ZNF91: variants seen among roughly 807,000 people sequenced by gnomAD.
ZNF91 encodes zinc finger protein 91.
A neutral mutation model predicts 12.6 loss-of-function variants in ZNF91; 7 were observed. The ratio of observed to expected loss-of-function variants is 0.55; its 90% CI spans 0.31 to 1.04. The LOEUF (loss-of-function observed/expected upper bound fraction) is 1.04, where lower values mean the gene tolerates loss of function less well. Ranked by LOEUF, ZNF91 falls within the 50% of genes least tolerant of loss-of-function variation. ZNF91 has a pLI of 0.05. For synonymous variants in ZNF91, 453 were observed against 462.6 expected, an observed-to-expected ratio of 0.98 and a Z score of 0.27; for missense variants, 1,217 against 1,385.4, an observed-to-expected ratio of 0.88 and a Z score of 1.93.
At chr19:23,335,747 G>A (rs1451087629), downstream of ZNF91, among the ~76,000 whole-genome samples, 1 of 152,140 alleles carries the variant, frequency 6.6e-6, no homozygotes, top group Non-Finnish European at 1.5e-5. Context: ...CCTAGGAAAG[G>A]GAATTCCCCG....
intron 1 of ZNF91, among the ~76,000 whole-genome samples, chr19:23,383,796 G>A (rs1163989718): frequency 2.6e-5 from 4 of 152,242 alleles, no homozygotes; most frequent in African/African-American, 9.6e-5. Flanking sequence ...CCTGGTCAGA[G>A]CAATCAGGCA....
chr19:23,374,576 A>AAG (rs1555743352), intron 2 of ZNF91, 62 bp downstream of exon 2: 47 of 1,452,412 alleles, frequency 3.2e-5, no homozygotes, highest in Non-Finnish European at 3.9e-5. Flanking sequence ...AAAAAAAAAA[A>AAG]AAAAGAAAAG....
rs535391885 is a variant in ZNF91, at chr19:23,323,027, G to T, written n.117-13930C>A. ...TCCTCCTTTTCCTCTTTTTCTCCTC[G>T]TCCTTTCTCCTTTTTGTTTCCTCCT... On this transcript the variant is annotated intron_variant and non_coding_transcript_variant, in intron 1 of 1. Coordinates refer to the ZNF91 transcript ENST00000596528. 1.3e-3 allele frequency among the ~76,000 whole-genome samples: 32 copies of T among 25,266 alleles called. No homozygotes were observed. In the East Asian group the frequency reaches 0.02, roughly 16 times the overall value. The allele number at this position is 25,266 out of a possible 152,430, so 16.6% of individuals were successfully genotyped here.
At chr19:23,387,473 T>C (rs1024993461) in intron 1 of ZNF91, among the ~76,000 whole-genome samples, 2 of 152,148 alleles carry the variant, frequency 1.3e-5, no homozygotes, top group African/African-American at 4.8e-5. Flanking sequence ...TCCCAGCACT[T>C]TGAGAGGCCA....
intron 3 of ZNF91, among the ~76,000 whole-genome samples, chr19:23,369,957 C>T (rs1371572409): frequency 6.8e-6 from 1 of 147,622 alleles, no homozygotes; most frequent in Non-Finnish European, 1.5e-5. Flanking sequence ...TGTCCTATGA[C>T]CCTGCCAAAT....
downstream of ZNF91, among the ~76,000 whole-genome samples, chr19:23,334,249 T>C (rs867258051): frequency 5.3e-5 from 8 of 152,112 alleles, no homozygotes; most frequent in South Asian, 8.3e-4. Flanking sequence ...TTTGGAAGTG[T>C]TGTGTAGAGT....
chr19:23,323,708 CCTT>C lies in ZNF91; in HGVS notation n.117-14614_117-14612del, dbSNP rs200351346. On this transcript the variant is annotated intron_variant and non_coding_transcript_variant, in intron 1 of 1. Coordinates refer to the ZNF91 transcript ENST00000596528. Reference sequence around the variant, plus strand: ...TACTTCTCCTTCTTTATCCTCTCCTCCTTCTTTTCTTCTACGCCTTCTCCTCAT... The same window carrying C: ...TACTTCTCCTTCTTTATCCTCTCCTCCTTTTCTTCTACGCCTTCTCCTCAT... Among the ~76,000 whole-genome samples the C allele has an allele frequency of 4.2e-3, 496 of 118,152 alleles. 2 individuals are homozygous for C. Among genetic ancestry groups the C allele is most frequent in the Middle Eastern group, 0.017 (4 of 230 alleles). The allele number at this position is 118,152 out of a possible 152,430, so 77.5% of individuals were successfully genotyped here. A position where few individuals can be genotyped will look rare whatever the true frequency, so the allele number is the denominator to read the frequency against.
downstream of ZNF91, among the ~76,000 whole-genome samples, chr19:23,336,287 A>G (rs1482304005): frequency 3.3e-5 from 5 of 152,326 alleles, no homozygotes; most frequent in East Asian, 3.9e-4. Flanking sequence ...AAAGAAAGAG[A>G]AAGGAGAATA....
intron 1 of ZNF91, among the ~76,000 whole-genome samples, chr19:23,385,572 C>T (rs542850992): frequency 6.6e-6 from 1 of 152,288 alleles, no homozygotes; most frequent in Admixed American, 6.5e-5. Flanking sequence ...TGTTTGCAGA[C>T]ACACAAGAAA....
Position 23,390,878 on chromosome 19 carries a change from A to G in ZNF91, c.30+4447T>C, listed in dbSNP as rs534909972. 1.9e-3 allele frequency among the ~76,000 whole-genome samples: 287 copies of G among 152,354 alleles called. 1 individual carries two copies. The highest frequency in any genetic ancestry group is 2.8e-3 in the Non-Finnish European group (189 of 68,038). On this transcript the variant is annotated intron_variant, in intron 1 of 3. Transcript: ENST00000300619. ...CAGGCATGAGCCATTGTGCCTGATCATACCATATTTTCTTTATTCAGTCTA... is the reference window on the plus strand; with the variant it reads ...CAGGCATGAGCCATTGTGCCTGATCGTACCATATTTTCTTTATTCAGTCTA...
intron 1 of ZNF91, among the ~76,000 whole-genome samples, chr19:23,376,069 A>T (rs1969495443): frequency 6.6e-6 from 1 of 152,202 alleles, no homozygotes; most frequent in Admixed American, 6.5e-5. Context: ...AATTTTTTCC[A>T]AACTTTCTGG....
chr19:23,385,085 A>ACAGC, intron 1 of ZNF91: 1 of 934,014 alleles, frequency 1.1e-6, no homozygotes, highest in South Asian at 1.3e-5. Context: ...CAGGGCAGGG[A>ACAGC]CAGCCACTCC....
intron 3 of ZNF91, among the ~76,000 whole-genome samples, chr19:23,373,346 T>TCATATATATATATATATA (rs1491403502): frequency 1.2e-5 from 1 of 85,802 alleles, no homozygotes; most frequent in Non-Finnish European, 2.7e-5. Context: ...TCATGTAATC[T>TCATATATATATATATATA]TATATATATA....
chr19:23,311,083 C>T (rs1322231647), upstream of ZNF91, among the ~76,000 whole-genome samples: 8 of 152,278 alleles, frequency 5.3e-5, no homozygotes, highest in East Asian at 1.2e-3. Flanking sequence ...TTTGCCAGGA[C>T]CTGGGTCATA....
chr19:23,317,567 T>C (rs1304458953), intron 1 of ZNF91, among the ~76,000 whole-genome samples: 6 of 152,208 alleles, frequency 3.9e-5, no homozygotes, highest in Non-Finnish European at 8.8e-5. Context: ...AGGTGAGATT[T>C]TGACTCTTGT....
intron 1 of ZNF91, among the ~76,000 whole-genome samples, chr19:23,318,143 C>T (rs1017267995): frequency 7.2e-5 from 11 of 152,164 alleles, no homozygotes; most frequent in African/African-American, 2.7e-4. Flanking sequence ...TGAGTCTACC[C>T]TTCTGTTTTG....
At chr19:23,314,472 G>A (rs12980317), upstream of ZNF91, among the ~76,000 whole-genome samples, 28,628 of 151,990 alleles carry the variant, frequency 0.19, 2,920 homozygotes, top group Non-Finnish European at 0.21. Context: ...GTATCTCTGC[G>A]ACCATAAACT....
At position 23,380,302 on chromosome 19, in the gene ZNF91, A is replaced by AAAAG. The variant is rs554607914; in HGVS notation, c.31-5539_31-5538insCTTT. On this transcript the variant is annotated intron_variant, in intron 1 of 3. Coordinates refer to ENST00000300619, the MANE Select transcript of ZNF91 (RefSeq NM_003430.4). Reference sequence around the variant, plus strand: ...AAAAAAAAAAAAAAAAAAAAAAAAAAGAGTGAAGCTTGAGCTGCAGAAGGA... The same window carrying AAAAG: ...AAAAAAAAAAAAAAAAAAAAAAAAAAAAAGGAGTGAAGCTTGAGCTGCAGAAGGA... The AAAAG allele has an allele frequency of 3.0e-4, 40 of 133,662 alleles. 3 individuals carry two copies. The highest frequency in any genetic ancestry group is 1.1e-3 in the African/African-American group (37 of 32,924). 8.3% of individuals were successfully genotyped at this position (133,662 alleles called of 1,614,324 possible).
At chr19:23,347,444 T>C (rs989692403) in intron 3 of ZNF91, among the ~76,000 whole-genome samples, 1 of 152,112 alleles carries the variant, frequency 6.6e-6, no homozygotes, top group African/African-American at 2.4e-5. Context: ...ATCTAGCAGA[T>C]AGAGAAGCCA....
Sources: allele counts gnomAD v4.1 joint callset (sites outside exome capture counted in the v4.1 genomes callset), GRCh38; gene constraint gnomAD v4.1.1; transcripts MANE v1.5; gene names NCBI Gene and HGNC (gene_info 2026-07-23, HGNC 2026-07-21).